MRTFA: variants seen among roughly 807,000 people sequenced by gnomAD.
MRTFA encodes myocardin-related transcription factor A.
MRTFA carries 20 observed loss-of-function variants against 83.5 expected under a neutral mutation model. The ratio of observed to expected loss-of-function variants is 0.24; its 90% CI spans 0.17 to 0.35. MRTFA has a LOEUF of 0.35. MRTFA is among the 10% of genes least tolerant of loss of function. The pLI is 1.00. For missense variants in MRTFA, 1,200 were observed against 1,224.7 expected, an observed-to-expected ratio of 0.98 and a Z score of 0.30; for synonymous variants, 659 against 541.2, an observed-to-expected ratio of 1.22 and a Z score of -3.02.
intron 6 of MRTFA, among the ~76,000 whole-genome samples, chr22:40,431,147 G>A (rs1186178982): frequency 6.6e-6 from 1 of 152,176 alleles, no homozygotes; most frequent in African/African-American, 2.4e-5. Context: ...GCAGAGAGAA[G>A]CGATCTCACA....
Position 40,450,635 on chromosome 22 carries a change from T to TC in MRTFA, c.307+12585_307+12586insG, listed in dbSNP as rs397779027. Among the ~76,000 whole-genome samples the TC allele has an allele frequency of 2.8e-4, 42 of 150,624 alleles. 1 individual carries two copies. The highest frequency in any genetic ancestry group is 1.0e-3 in the African/African-American group (42 of 41,014). On this transcript the variant is annotated intron_variant, in intron 4 of 14. Transcript: ENST00000355630. ...CACAGCTGGCTAATTTTTTTTTTTTTAAAGTAGAAACAGGGTTTCATCACA... is the reference window on the plus strand; with the variant it reads ...CACAGCTGGCTAATTTTTTTTTTTTTCAAAGTAGAAACAGGGTTTCATCACA...
chr22:40,538,089 G>A (rs1201764203), intron 3 of MRTFA, among the ~76,000 whole-genome samples: 4 of 20,602 alleles, frequency 1.9e-4, no homozygotes, highest in African/African-American at 4.3e-4. Flanking sequence ...CATTGAGAAC[G>A]GGCCAGGATG....
intron 2 of MRTFA, among the ~76,000 whole-genome samples, chr22:40,578,182 G>A (rs1035239840): frequency 2.0e-5 from 3 of 152,020 alleles, no homozygotes; most frequent in Admixed American, 1.3e-4. Flanking sequence ...TCGAACTCCT[G>A]ACCTCAAGTG....
At chr22:40,586,247 AAATAC>A (rs1393530364) in intron 2 of MRTFA, among the ~76,000 whole-genome samples, 16 of 152,012 alleles carry the variant, frequency 1.1e-4, no homozygotes, top group Admixed American at 8.5e-4. Context: ...TCTGCCAAAC[AAATAC>A]ATCATTTGCT....
chr22:40,534,173 G>A (rs1217015809), intron 3 of MRTFA, among the ~76,000 whole-genome samples: 3 of 152,150 alleles, frequency 2.0e-5, no homozygotes, highest in African/African-American at 7.2e-5. Context: ...TATACAAAAT[G>A]TAAGCTCCAT....
At chr22:40,567,020 G>A (rs1397866359) in intron 2 of MRTFA, among the ~76,000 whole-genome samples, 1 of 152,146 alleles carries the variant, frequency 6.6e-6, no homozygotes, top group Non-Finnish European at 1.5e-5. Context: ...TGAGTTTGGT[G>A]ATGTGACCTT....
At chr22:40,555,584 T>A (rs6001963) in intron 2 of MRTFA, among the ~76,000 whole-genome samples, 60 of 148,246 alleles carry the variant, frequency 4.0e-4, no homozygotes, top group South Asian at 1.3e-3. Context: ...TTAAAAAAAA[T>A]TTTATATATA....
intron 1 of MRTFA, among the ~76,000 whole-genome samples, chr22:40,633,840 C>T (rs976854796): frequency 2.6e-5 from 4 of 152,202 alleles, no homozygotes; most frequent in African/African-American, 9.6e-5. Context: ...GTAGAACTTT[C>T]TAACCTCTTT....
intron 2 of MRTFA, among the ~76,000 whole-genome samples, chr22:40,568,602 G>C (rs17002017): frequency 0.019 from 2,826 of 152,224 alleles, 91 homozygotes; most frequent in African/African-American, 0.066. Flanking sequence ...ACCATTTTAA[G>C]CCCAGCACAA....
chr22:40,541,671 CTGTT>C (rs1250257753), intron 3 of MRTFA, among the ~76,000 whole-genome samples: 7 of 151,974 alleles, frequency 4.6e-5, no homozygotes, highest in East Asian at 3.8e-4. Flanking sequence ...TGTGTATTTT[CTGTT>C]TGTTTGTTTT....
chr22:40,610,563 T>G (rs2056375385), intron 1 of MRTFA, among the ~76,000 whole-genome samples: 1 of 152,270 alleles, frequency 6.6e-6, no homozygotes, highest in South Asian at 2.1e-4. Context: ...CAGGGGAATG[T>G]GCCAAGAAAA....
intron 2 of MRTFA, chr22:40,586,592 T>C (rs988071090): frequency 1.7e-5 from 3 of 173,502 alleles, no homozygotes; most frequent in Non-Finnish European, 3.6e-5. Context: ...AAGGATTTGT[T>C]CAAAAAGCTT....
At chr22:40,503,044 A>G (rs773689258) in intron 3 of MRTFA, among the ~76,000 whole-genome samples, 8 of 152,126 alleles carry the variant, frequency 5.3e-5, no homozygotes, top group Non-Finnish European at 4.4e-5. Context: ...GCAGCTAGTA[A>G]AGCTTCTGAA....
intron 7 of MRTFA, among the ~76,000 whole-genome samples, chr22:40,428,506 A>G (rs999255933): frequency 6.6e-6 from 1 of 152,130 alleles, no homozygotes; most frequent in South Asian, 2.1e-4. Context: ...AACTGTGCTT[A>G]CTGCTCCCAC....
chr22:40,580,864 C>T (rs1469779852), intron 2 of MRTFA, among the ~76,000 whole-genome samples: 5 of 152,186 alleles, frequency 3.3e-5, no homozygotes. Context: ...TGTCCCGTCT[C>T]ATCCTTTCAT....
Position 40,419,084 on chromosome 22 carries a change from G to A in MRTFA, c.1654C>T (p.Pro552Ser), listed in dbSNP as rs774252127. ...CGCTCCGAGGGGGTGGGAGACACGG[G>A]GGGCGTGGAGCCCGTGCTGCCAAAC... The change falls in exon 12 of 15, where the codon CCC (proline) becomes TCC (serine). Residue 552 changes from proline to serine, a missense_variant. Coordinates refer to ENST00000355630, the MANE Select transcript of MRTFA (RefSeq NM_020831.6). 6.9e-6 allele frequency: 11 copies of A among 1,604,216 alleles called. No homozygotes were observed. Among genetic ancestry groups the A allele is most frequent in the Middle Eastern group, 1.6e-4 (1 of 6,070 alleles).
At chr22:40,577,311 C>T (rs2147354182) in intron 2 of MRTFA, among the ~76,000 whole-genome samples, 1 of 149,276 alleles carries the variant, frequency 6.7e-6, no homozygotes, top group East Asian at 2.0e-4. Context: ...CTCAGAATCC[C>T]AAATATTCCT....
intron 3 of MRTFA, among the ~76,000 whole-genome samples, chr22:40,463,858 T>C (rs1397367548): frequency 1.3e-5 from 2 of 152,218 alleles, no homozygotes. Flanking sequence ...TTCTCTTCAC[T>C]TAGAGCCTTT....
intron 1 of MRTFA, among the ~76,000 whole-genome samples, chr22:40,624,296 C>T (rs1260325614): frequency 6.6e-6 from 1 of 151,532 alleles, no homozygotes; most frequent in African/African-American, 2.4e-5. Flanking sequence ...CATGGTGGGG[C>T]ACGCCTGTAA....
Sources: gnomAD v4.1 joint callset for allele counts (sites outside exome capture counted in the v4.1 genomes callset) on GRCh38, gnomAD v4.1.1 for gene constraint, MANE v1.5 for transcripts, NCBI Gene and HGNC (gene_info 2026-07-23, HGNC 2026-07-21) for gene names.